The following NDUFS4 variants were observed in gnomAD, a reference collection of about 807,000 sequenced individuals.
NDUFS4 encodes NADH dehydrogenase [ubiquinone] iron-sulfur protein 4, mitochondrial.
Under a neutral mutation model 24.3 loss-of-function variants are expected in NDUFS4, and 28 were observed. The observed-to-expected ratio is 1.15, with a 90% confidence interval of 0.85 to 1.58. NDUFS4 has a LOEUF of 1.58. Ranked by LOEUF, NDUFS4 falls within the 40% of genes most tolerant of loss-of-function variation. The probability of loss-of-function intolerance (pLI) is 0.00; values close to 1 mark genes in which losing one functional copy is unlikely to be tolerated. For missense variants in NDUFS4, 223 were observed against 207.9 expected (o/e 1.07, Z -0.45); for synonymous variants, 93 against 69.7 (o/e 1.34, Z -1.67).
At chr5:53,623,058 G>T (rs56185221) in intron 2 of NDUFS4, among the ~76,000 whole-genome samples, 2 of 151,968 alleles carry the variant, frequency 1.3e-5, no homozygotes, top group African/African-American at 4.8e-5. Flanking sequence ...TAGGGCTATT[G>T]TAAATAATGC....
chr5:53,607,884 A>G (rs1347001421), intron 2 of NDUFS4, among the ~76,000 whole-genome samples: 2 of 152,224 alleles, frequency 1.3e-5, no homozygotes, highest in African/African-American at 4.8e-5. Context: ...CCAAAATGCA[A>G]ATGAGTGCCA....
At chr5:53,586,990 ATTTTT>A (rs577872819) in intron 1 of NDUFS4, among the ~76,000 whole-genome samples, 1 of 150,692 alleles carries the variant, frequency 6.6e-6, no homozygotes, top group African/African-American at 2.4e-5. Flanking sequence ...TGCCTGGCTA[ATTTTT>A]TTTGTTTTAG....
chr5:53,652,572 A>G (rs1752049965), intron 3 of NDUFS4, among the ~76,000 whole-genome samples: 1 of 152,108 alleles, frequency 6.6e-6, no homozygotes, highest in Non-Finnish European at 1.5e-5. Context: ...CTGCTTATCT[A>G]CAGTATTTTT....
At chr5:53,649,504 C>T (rs984142236) in intron 3 of NDUFS4, among the ~76,000 whole-genome samples, 23 of 152,182 alleles carry the variant, frequency 1.5e-4, no homozygotes, top group African/African-American at 5.5e-4. Flanking sequence ...ATGGCCTCCA[C>T]CTTCATCCAT....
chr5:53,641,033 A>C (rs959741768), intron 2 of NDUFS4, among the ~76,000 whole-genome samples: 4 of 152,190 alleles, frequency 2.6e-5, no homozygotes. Context: ...TCTTGAGGAC[A>C]GAGATCATGT....
chr5:53,603,005 C>T (rs575530282), intron 1 of NDUFS4, among the ~76,000 whole-genome samples: 1 of 152,088 alleles, frequency 6.6e-6, no homozygotes, highest in Admixed American at 6.5e-5. Context: ...ATGTAAAATA[C>T]TTTTGGTGTG....
At chr5:53,648,992 A>G (rs1751941881) in intron 3 of NDUFS4, among the ~76,000 whole-genome samples, 1 of 152,156 alleles carries the variant, frequency 6.6e-6, no homozygotes. Context: ...TCCATAAGGT[A>G]TGGCTACATC....
intron 2 of NDUFS4, among the ~76,000 whole-genome samples, chr5:53,625,404 A>G (rs964536429): frequency 2.0e-4 from 31 of 152,136 alleles, no homozygotes; most frequent in African/African-American, 6.8e-4. Context: ...TTTGATTAGT[A>G]TTCTTAAAAA....
intron 1 of NDUFS4, among the ~76,000 whole-genome samples, chr5:53,572,970 G>GTTTTTTTTTTTTTTT (rs34978747): frequency 9.0e-6 from 1 of 111,206 alleles, no homozygotes; most frequent in African/African-American, 3.2e-5. Flanking sequence ...TTTTTTTTTT[G>GTTTTTTTTTTTTTTT]TTTTTTTTTT....
intron 2 of NDUFS4, among the ~76,000 whole-genome samples, chr5:53,633,953 A>G (rs889508831): frequency 1.9e-4 from 29 of 152,198 alleles, no homozygotes; most frequent in Non-Finnish European, 2.2e-4. Context: ...ACCACTTGGG[A>G]TTTTGATAAA....
At chr5:53,642,111 AT>A (rs1427793869) in intron 2 of NDUFS4, among the ~76,000 whole-genome samples, 2 of 152,120 alleles carry the variant, frequency 1.3e-5, no homozygotes, top group Admixed American at 6.6e-5. Flanking sequence ...CCTTACATTT[AT>A]TTCTCTTCAT....
intron 3 of NDUFS4, among the ~76,000 whole-genome samples, chr5:53,654,744 T>A (rs2112517228): frequency 6.6e-6 from 1 of 152,318 alleles, no homozygotes; most frequent in South Asian, 2.1e-4. Context: ...CTAATTAAAA[T>A]TCTCAGTGCC....
At chr5:53,582,871 A>T (rs1377673882) in intron 1 of NDUFS4, among the ~76,000 whole-genome samples, 1 of 152,156 alleles carries the variant, frequency 6.6e-6, no homozygotes, top group Non-Finnish European at 1.5e-5. Flanking sequence ...GAAATTTAAA[A>T]CTAATGCACA....
At chr5:53,680,165 C>T (rs1391942516) in intron 4 of NDUFS4, among the ~76,000 whole-genome samples, 6 of 148,030 alleles carry the variant, frequency 4.1e-5, no homozygotes, top group Non-Finnish European at 5.9e-5. Context: ...TTTATTTTCT[C>T]GATATTTTTT....
chr5:53,667,713 C>T (rs2111563256), intron 4 of NDUFS4, among the ~76,000 whole-genome samples: 1 of 152,192 alleles, frequency 6.6e-6, no homozygotes, highest in East Asian at 1.9e-4. Context: ...GGTTCAGATG[C>T]ACTAATATGT....
intron 3 of NDUFS4, among the ~76,000 whole-genome samples, chr5:53,649,556 G>A (rs922493857): frequency 3.3e-5 from 5 of 152,090 alleles, no homozygotes; most frequent in African/African-American, 9.7e-5. Context: ...TTATTGCTGC[G>A]TAGTATTCCA....
chr5:53,681,615 A>ATAT (rs1341723190), intron 4 of NDUFS4, among the ~76,000 whole-genome samples: 4 of 152,126 alleles, frequency 2.6e-5, no homozygotes, highest in East Asian at 1.9e-4. Context: ...TTCTCAAAAC[A>ATAT]TATTTTCTAC....
rs1172080373 is a variant in NDUFS4, at chr5:53,567,562, A to AT, written c.98+6812dup. Among the ~76,000 whole-genome samples the AT allele has an allele frequency of 3.6e-4, 54 of 149,504 alleles. 1 individual carries two copies. The highest frequency in any genetic ancestry group is 6.1e-4 in the Non-Finnish European group (41 of 67,282). On this transcript the variant is annotated intron_variant, in intron 1 of 4. Coordinates refer to ENST00000296684, the MANE Select transcript of NDUFS4 (RefSeq NM_002495.4). ...ATATATATAACAAGATATACTGGACATTTTTTTTTTCTGTTTTCTTACTGA... is the reference window on the plus strand; with the variant it reads ...ATATATATAACAAGATATACTGGACATTTTTTTTTTTCTGTTTTCTTACTGA...
At chr5:53,663,126 G>A (rs1561394589) in intron 4 of NDUFS4, among the ~76,000 whole-genome samples, 1 of 152,126 alleles carries the variant, frequency 6.6e-6, no homozygotes, top group Non-Finnish European at 1.5e-5. Context: ...ATGTAGTTGA[G>A]CGGTTTTGGT....
Sources: gnomAD v4.1 joint callset for allele counts (sites outside exome capture counted in the v4.1 genomes callset) on GRCh38, gnomAD v4.1.1 for gene constraint, MANE v1.5 for transcripts, NCBI Gene and HGNC (gene_info 2026-07-23, HGNC 2026-07-21) for gene names.